The following PCDHA12 variants were observed in gnomAD, a reference collection of about 807,000 sequenced individuals.
PCDHA12 encodes the protein protocadherin alpha 12.
A neutral mutation model predicts 60.0 loss-of-function variants in PCDHA12; 44 were observed. That is an observed-to-expected ratio of 0.73 (90% confidence interval 0.58 to 0.94). PCDHA12 has a LOEUF of 0.94. Among genes scored for constraint, PCDHA12 ranks in the 40% least tolerant of loss-of-function variants. The pLI is 0.00. For synonymous variants in PCDHA12, 569 were observed against 553.0 expected (o/e 1.03, Z -0.40); for missense variants, 1,276 against 1,239.7 (o/e 1.03, Z -0.44).
At chr5:140,955,652 A>T (rs1452679583) in intron 1 of PCDHA12, among the ~76,000 whole-genome samples, 2 of 152,180 alleles carry the variant, frequency 1.3e-5, no homozygotes, top group African/African-American at 4.8e-5. Context: ...ATTAATACAC[A>T]TATGAATTTT....
At chr5:141,000,183 A>G (rs2097895175) in intron 3 of PCDHA12, among the ~76,000 whole-genome samples, 1 of 151,898 alleles carries the variant, frequency 6.6e-6, no homozygotes, top group Non-Finnish European at 1.5e-5. Context: ...CAAGGAGTCA[A>G]TGTGAGAATA....
At chr5:140,930,675 A>G (rs1326713897) in intron 1 of PCDHA12, among the ~76,000 whole-genome samples, 2 of 152,234 alleles carry the variant, frequency 1.3e-5, no homozygotes, top group Non-Finnish European at 2.9e-5. Flanking sequence ...TATTCTAGGC[A>G]ATAAGGGGAA....
chr5:140,948,385 T>A (rs909867343), intron 1 of PCDHA12, among the ~76,000 whole-genome samples: 4 of 151,622 alleles, frequency 2.6e-5, no homozygotes, highest in Admixed American at 2.6e-4. Flanking sequence ...TTCCTCTATT[T>A]TCTGAAAGGT....
intron 3 of PCDHA12, among the ~76,000 whole-genome samples, chr5:140,991,358 A>G (rs1417256360): frequency 6.6e-6 from 1 of 152,234 alleles, no homozygotes; most frequent in African/African-American, 2.4e-5. Context: ...AAGACTATTT[A>G]CTGTCTGAGT....
chr5:140,994,377 G>C (rs1260163825), intron 3 of PCDHA12, among the ~76,000 whole-genome samples: 3 of 152,098 alleles, frequency 2.0e-5, no homozygotes, highest in Non-Finnish European at 4.4e-5. Context: ...GGAAATTCAG[G>C]GGACTAAGTC....
At chr5:140,929,721 ATTTACT>A (rs1474734727) in intron 1 of PCDHA12, 3 of 222,378 alleles carry the variant, frequency 1.3e-5, no homozygotes, top group African/African-American at 4.6e-5. Flanking sequence ...AAGGTGAAAC[ATTTACT>A]TAAACTATTG....
At chr5:140,941,224 T>TTTCTTTC in intron 1 of PCDHA12, among the ~76,000 whole-genome samples, 1 of 137,372 alleles carries the variant, frequency 7.3e-6, no homozygotes, top group Non-Finnish European at 1.6e-5. Flanking sequence ...CCTTTCTTTC[T>TTTCTTTC]TTCTTTCTTT....
intron 1 of PCDHA12, among the ~76,000 whole-genome samples, chr5:140,944,623 T>G (rs535315515): frequency 2.0e-5 from 3 of 152,202 alleles, no homozygotes; most frequent in Non-Finnish European, 4.4e-5. Flanking sequence ...AGAAGTATAG[T>G]GTTGTAAGCC....
intron 2 of PCDHA12, among the ~76,000 whole-genome samples, chr5:140,979,231 C>T (rs1203154373): frequency 6.6e-6 from 1 of 152,186 alleles, no homozygotes; most frequent in Non-Finnish European, 1.5e-5. Context: ...TCTGTAAAAT[C>T]ACAGAAACAG....
intron 1 of PCDHA12, among the ~76,000 whole-genome samples, chr5:140,888,814 T>C (rs1052564071): frequency 6.6e-6 from 1 of 152,126 alleles, no homozygotes; most frequent in Non-Finnish European, 1.5e-5. Context: ...TGATCTGTGA[T>C]CTGTGATCAC....
chr5:140,958,468 G>T (rs1554223482), intron 1 of PCDHA12, among the ~76,000 whole-genome samples: 6 of 152,040 alleles, frequency 3.9e-5, no homozygotes, highest in Non-Finnish European at 8.8e-5. Flanking sequence ...ACTTCTGCTG[G>T]CTTAAAGAGC....
In PCDHA12 at chr5:140,877,465, G is replaced by A; in HGVS notation, c.1993G>A (p.Val665Met). Reference sequence around the variant, plus strand: ...GCCCGCGCTGACGTCCACGGCCACGGTGCTGGTGTCGCTGGTGGAGAACGG... The same window carrying A: ...GCCCGCGCTGACGTCCACGGCCACGATGCTGGTGTCGCTGGTGGAGAACGG... ...GEPALTSTAT[V>M]LVSLVENGQA... The change falls in exon 1 of 4, where the codon GTG becomes ATG. Residue 665 changes from valine (V) to methionine (M), a missense_variant. Val to Met is a conservative substitution (Grantham distance 21). Transcript: ENST00000398631. 1 of 1,613,856 alleles carries A rather than the reference G, an allele frequency of 6.2e-7. No individual in the cohort carries two copies. Among genetic ancestry groups the A allele is most frequent in the Non-Finnish European group, 8.5e-7 (1 of 1,179,862 alleles).
intron 1 of PCDHA12, chr5:140,928,068 C>G: frequency 1.2e-6 from 2 of 1,614,214 alleles, no homozygotes; most frequent in South Asian, 2.2e-5. Context: ...CTTCCTTTGA[C>G]AACTACTACA....
intron 1 of PCDHA12, among the ~76,000 whole-genome samples, chr5:140,961,630 C>A (rs1387087976): frequency 1.3e-5 from 2 of 152,136 alleles, no homozygotes; most frequent in Non-Finnish European, 2.9e-5. Context: ...ATATGAAAAA[C>A]AATCTTAAGT....
chr5:140,929,540 G>A, intron 1 of PCDHA12: 1 of 549,498 alleles, frequency 1.8e-6, no homozygotes, highest in Admixed American at 4.2e-5. Context: ...GAGAAACAAG[G>A]GCAAAAATTA....
chr5:140,969,049 C>A, intron 1 of PCDHA12: 1 of 1,614,142 alleles, frequency 6.2e-7, no homozygotes, highest in Non-Finnish European at 8.5e-7. Context: ...AACAAGCCAA[C>A]AACAATATTG....
intron 1 of PCDHA12, among the ~76,000 whole-genome samples, chr5:140,909,254 G>A (rs915513119): frequency 6.6e-6 from 1 of 152,334 alleles, no homozygotes; most frequent in East Asian, 1.9e-4. Context: ...TGCTGGCCTT[G>A]CTGACTGAAG....
In PCDHA12 at chr5:140,877,219, C is replaced by T. The variant is rs200698690; in HGVS notation, c.1747C>T (p.Arg583Trp). 9 of 1,613,720 alleles carry T rather than the reference C, an allele frequency of 5.6e-6. No homozygotes were observed. Among genetic ancestry groups the T allele is most frequent in the East Asian group, 4.5e-5 (2 of 44,860 alleles). ...AGGAVSELVP[R>W]SVGAGHVVAK... Reference sequence around the variant, plus strand: ...AGGCGCAGTTAGCGAGTTGGTACCGCGGTCGGTGGGTGCGGGCCACGTGGT... The same window carrying T: ...AGGCGCAGTTAGCGAGTTGGTACCGTGGTCGGTGGGTGCGGGCCACGTGGT... Residue 583 changes from arginine (R) to tryptophan (W), a missense_variant, in exon 1 of 4, where the codon CGG becomes TGG. By Grantham distance (101) the Arg-to-Trp change is moderately radical. Transcript: ENST00000398631.
chr5:140,875,959 G>A lies in PCDHA12; in HGVS notation c.487G>A (p.Gly163Ser). 2 of 1,614,070 alleles carry A rather than the reference G, an allele frequency of 1.2e-6. No individual in the cohort carries two copies. Among genetic ancestry groups the A allele is most frequent in the South Asian group, 1.1e-5 (1 of 91,080 alleles). The change falls in exon 1 of 4, where the codon GGC becomes AGC. Residue 163 changes from glycine (G) to serine (S), a missense_variant. By Grantham distance (56) the Gly-to-Ser change is moderately conservative. Transcript: ENST00000398631. The stretch of plus-strand genomic sequence containing the variant: ...AGAGGGCGCTTCTGATGCGGATATC[G>A]GCGTAAACTCTCTTTTGACCTATGC... ...PLEGASDADI[G>S]VNSLLTYALS...
Sources: allele counts gnomAD v4.1 joint callset (sites outside exome capture counted in the v4.1 genomes callset), GRCh38; gene constraint gnomAD v4.1.1; transcripts MANE v1.5; gene names NCBI Gene and HGNC (gene_info 2026-07-23, HGNC 2026-07-21).